The following ITGAX variants were observed in gnomAD, a reference collection of about 807,000 sequenced individuals.
ITGAX encodes the protein integrin subunit alpha X.
Under a neutral mutation model 140.2 loss-of-function variants are expected in ITGAX, and 99 were observed. That is an observed-to-expected ratio of 0.71 (90% CI 0.60 to 0.83). ITGAX has a LOEUF of 0.83. ITGAX is among the 40% of genes least tolerant of loss of function. The pLI is 0.00. For missense variants in ITGAX, 1,444 were observed against 1,482.0 expected (o/e 0.97, Z 0.42); for synonymous variants, 631 against 600.4 (o/e 1.05, Z -0.75).
In ITGAX at chr16:31,361,269, A is replaced by G. The variant is rs561610854; in HGVS notation, c.1012+56A>G. ...AATCCTCAGCCGTTAACACCTTTCC[A>G]CTTAGAACCCGAGGCTCCGTGAAAC... On this transcript the variant is annotated intron_variant, in intron 9 of 29. Transcript: ENST00000268296. The G allele has an allele frequency of 2.3e-4, 354 of 1,546,290 alleles. 1 individual carries two copies. The African/African-American group carries it at 4.6e-3, about 20-fold the overall frequency.
At position 31,355,888 on chromosome 16, in the gene ITGAX, C is replaced by T; in HGVS notation, c.38-5C>T. On this transcript the variant is annotated splice_polypyrimidine_tract_variant and splice_region_variant and intron_variant, in intron 1 of 29. Transcript: ENST00000268296. ...TCCAAAGCTCTCTTCCCACCTCTTT[C>T]CCAGCCTTAGCAACTTCTCTAGGTT... 6.2e-7 allele frequency: 1 copy of T among 1,610,648 alleles called. No homozygotes were observed. Among genetic ancestry groups the T allele is most frequent in the South Asian group, 1.1e-5 (1 of 90,902 alleles).
At chr16:31,379,913 G>A (rs754273902) in intron 25 of ITGAX, 49 bp downstream of exon 25, 4 of 1,609,114 alleles carry the variant, frequency 2.5e-6, no homozygotes, top group Middle Eastern at 1.6e-4. Context: ...TTTCTACCTG[G>A]ATTCCTTGTG....
intron 17 of ITGAX, 66 bp from the exon 18 acceptor site, chr16:31,372,312 G>C: frequency 6.5e-7 from 1 of 1,550,320 alleles, no homozygotes; most frequent in Non-Finnish European, 8.6e-7. Context: ...TAAGAACTGC[G>C]GATGAGGCCG....
At chr16:31,362,827 G>A (rs1394580847) in intron 12 of ITGAX, 74 bp downstream of exon 12, 56 of 1,606,480 alleles carry the variant, frequency 3.5e-5, no homozygotes, top group Non-Finnish European at 4.6e-5. Context: ...GGATGGAGGG[G>A]CTTTGAGGGC....
chr16:31,361,896 C>T lies in ITGAX; in HGVS notation c.1073C>T (p.Ala358Val). 6.2e-7 allele frequency: 1 copy of T among 1,614,076 alleles called. No homozygotes were observed. Among genetic ancestry groups the T allele is most frequent in the South Asian group, 1.1e-5 (1 of 91,082 alleles). ...GAGATGGCACAGGAGGGCTTCAGCG[C>T]TGTGTTCACACCTGTGAGTGGGGCC... The part of the protein sequence containing the change: ...ELEMAQEGFS[A>V]VFTPDGPVLG... The change falls in exon 10 of 30, where the codon GCT becomes GTT. Residue 358 changes from alanine to valine, a missense_variant. Transcript: ENST00000268296.
chr16:31,356,324 C>G (rs1325748353), intron 2 of ITGAX: 2 of 431,442 alleles, frequency 4.6e-6, no homozygotes, highest in Non-Finnish European at 4.2e-6. Context: ...GAGACAGGGT[C>G]TCACTATGTT....
chr16:31,379,241 T>C (rs373931478), intron 23 of ITGAX, among the ~76,000 whole-genome samples: 2 of 152,042 alleles, frequency 1.3e-5, no homozygotes, highest in South Asian at 2.1e-4. Flanking sequence ...CTCAGCCTCC[T>C]GAGTAGCTGG....
chr16:31,358,864 C>T (rs2080790614), intron 5 of ITGAX, among the ~76,000 whole-genome samples: 1 of 148,918 alleles, frequency 6.7e-6, no homozygotes, highest in African/African-American at 2.5e-5. Flanking sequence ...GTCACTGAGG[C>T]TGGAGTGCAG....
At chr16:31,360,194 C>T in intron 7 of ITGAX, 116 bp from the exon 8 acceptor site, 8 of 1,508,648 alleles carry the variant, frequency 5.3e-6, no homozygotes, top group African/African-American at 1.4e-5. Flanking sequence ...CAAGCTGGGG[C>T]CTCTGGGTGG....
chr16:31,360,494 C>T lies in ITGAX; in HGVS notation c.861+31C>T, dbSNP rs115285398. On this transcript the variant is annotated intron_variant, in intron 8 of 29. Coordinates refer to ENST00000268296, the MANE Select transcript of ITGAX (RefSeq NM_000887.5). ...GCGTGGGATGGCTTCCCACTTCTCC[C>T]ACGGCTTCCTCTCAGGGCAACTCCC... is the stretch of plus-strand genomic sequence containing the variant. 4.9e-4 allele frequency: 772 copies of T among 1,576,348 alleles called. 2 individuals carry two copies. In the African/African-American group the frequency reaches 9.2e-3, roughly 19 times the overall value.
In ITGAX at chr16:31,377,080, G is replaced by C. The variant is rs757366589; in HGVS notation, c.2705+1G>C. The C allele has an allele frequency of 6.2e-7, 1 of 1,614,160 alleles. No individual in the cohort carries two copies. The highest frequency in any genetic ancestry group is 8.5e-7 in the Non-Finnish European group (1 of 1,180,030). On this transcript the variant is annotated splice_donor_variant, in intron 22 of 29. Transcript: ENST00000268296. LOFTEE classifies it high-confidence loss of function. ...TGCTTCTGACAGCCAATGTGAGCAG[G>C]TGAGCCGGGCCAGGCCAGGGGCAGT... is the stretch of plus-strand genomic sequence containing the variant.
chr16:31,378,422 G>A (rs1312834460), intron 23 of ITGAX, among the ~76,000 whole-genome samples: 2 of 152,158 alleles, frequency 1.3e-5, no homozygotes, highest in Non-Finnish European at 2.9e-5. Context: ...CCGACTACCC[G>A]GCCCCACTGG....
rs1223886632 is a variant in ITGAX at position 31,357,104 on chromosome 16, G to T, written c.318+3G>T. 6.2e-7 allele frequency: 1 copy of T among 1,604,526 alleles called. No homozygotes were observed. Among genetic ancestry groups the T allele is most frequent in the South Asian group, 1.1e-5 (1 of 90,524 alleles). ...CCACCAGCCCTTCCCAGCTGCTGGTGAGTGGCCCTGGGTCACAGGAGGCTT... is the reference window on the plus strand; with the variant it reads ...CCACCAGCCCTTCCCAGCTGCTGGTTAGTGGCCCTGGGTCACAGGAGGCTT... On this transcript the variant is annotated splice_donor_region_variant and intron_variant, in intron 4 of 29. Coordinates refer to ENST00000268296, the MANE Select transcript of ITGAX (RefSeq NM_000887.5).
chr16:31,382,249 C>CTTTTTTTTTTTTTTTTTTTTTTTTT lies in ITGAX; in HGVS notation c.*356_*357insTTTTTTTTTTTTTTTTTTTTTTTTT. 1.5e-6 allele frequency: 1 copy of CTTTTTTTTTTTTTTTTTTTTTTTTT among 658,768 alleles called. No individual in the cohort carries two copies. Among genetic ancestry groups the CTTTTTTTTTTTTTTTTTTTTTTTTT allele is most frequent in the Non-Finnish European group, 1.9e-6 (1 of 533,366 alleles). 40.8% of individuals were successfully genotyped at this position (658,768 alleles called of 1,614,324 possible). ...CTTTCTTTTTTTTTTTTTTTCTTTT[C>CTTTTTTTTTTTTTTTTTTTTTTTTT]TTTTTTTTTTTTTTGAGACGGAGTC... On this transcript the variant is annotated 3_prime_UTR_variant, in exon 30 of 30. Transcript: ENST00000268296.
intron 14 of ITGAX, among the ~76,000 whole-genome samples, chr16:31,366,801 C>T (rs1405206816): frequency 1.3e-5 from 2 of 152,174 alleles, no homozygotes; most frequent in African/African-American, 4.8e-5. Context: ...CAGACGTGGG[C>T]CACCACGTCT....
In ITGAX at chr16:31,372,459, A is replaced by G; in HGVS notation, c.2242A>G (p.Asn748Asp). 6.2e-7 allele frequency: 1 copy of G among 1,607,838 alleles called. No individual in the cohort carries two copies. The highest frequency in any genetic ancestry group is 2.2e-5 in the East Asian group (1 of 44,836). ...LVGKPLLAFRNLRPMLAADAQ... is the reference protein window; with the variant it reads ...LVGKPLLAFRDLRPMLAADAQ... ...GGGCAAGCCCCTCCTTGCCTTCAGAAACCTGCGGCCTATGCTGGCCGCCGA... is the reference window on the plus strand; with the variant it reads ...GGGCAAGCCCCTCCTTGCCTTCAGAGACCTGCGGCCTATGCTGGCCGCCGA... Residue 748 changes from asparagine (N) to aspartate (D), a missense_variant, in exon 18 of 30, where the codon AAC (asparagine) becomes GAC (aspartate). By Grantham distance (23) the Asn-to-Asp change is conservative. Coordinates refer to ENST00000268296, the MANE Select transcript of ITGAX (RefSeq NM_000887.5).
chr16:31,358,723 G>A (rs546181834), intron 5 of ITGAX, among the ~76,000 whole-genome samples: 20 of 152,106 alleles, frequency 1.3e-4, no homozygotes, highest in Non-Finnish European at 2.9e-4. Context: ...GGAGGAAGGA[G>A]GGGTGGGTCC....
intron 14 of ITGAX, 113 bp downstream of exon 14, chr16:31,363,487 T>C: frequency 8.3e-7 from 1 of 1,209,664 alleles, no homozygotes; most frequent in Non-Finnish European, 1.2e-6. Flanking sequence ...TGCCCAGCTC[T>C]GAGCACCTTG....
chr16:31,376,389 G>A (rs1371446369), intron 20 of ITGAX, among the ~76,000 whole-genome samples: 1 of 152,194 alleles, frequency 6.6e-6, no homozygotes, highest in Non-Finnish European at 1.5e-5. Flanking sequence ...GGGGGGACAA[G>A]ATGGGAGGAT....
Sources: allele counts gnomAD v4.1 joint callset (sites outside exome capture counted in the v4.1 genomes callset), GRCh38; gene constraint gnomAD v4.1.1; transcripts MANE v1.5; gene names NCBI Gene and HGNC (gene_info 2026-07-23, HGNC 2026-07-21).